The following ANXA8 variants were observed in gnomAD, a reference collection of about 807,000 sequenced individuals.
ANXA8 encodes the protein annexin A8.
ANXA8 carries 9 observed loss-of-function variants against 26.8 expected under a neutral mutation model. The ratio of observed to expected loss-of-function variants is 0.34; its 90% confidence interval spans 0.20 to 0.59. The LOEUF (loss-of-function observed/expected upper bound fraction) is 0.59, where lower values mean the gene tolerates loss of function less well. Ranked by LOEUF, ANXA8 falls within the 20% of genes least tolerant of loss-of-function variation. ANXA8 has a pLI of 0.84. For missense variants in ANXA8, 83 were observed against 238.5 expected (o/e 0.35, Z 4.29); for synonymous variants, 39 against 94.8 (o/e 0.41, Z 3.42).
chr10:47,485,863 C>T (rs1204635785), upstream of ANXA8, among the ~76,000 whole-genome samples: 1 of 151,912 alleles, frequency 6.6e-6, no homozygotes, highest in African/African-American at 2.4e-5. Context: ...AATCCCAGCA[C>T]TTTGGGAGGC....
chr10:47,675,991 A>C, the ANXA8 span, among the ~76,000 whole-genome samples: 4 of 151,608 alleles, frequency 2.6e-5, no homozygotes, highest in Admixed American at 6.6e-5. Flanking sequence ...CAAAAAAAGG[A>C]AAGAAAAGAA....
chr10:47,608,295 C>T, the ANXA8 span, among the ~76,000 whole-genome samples: 1 of 65,332 alleles, frequency 1.5e-5, no homozygotes, highest in Non-Finnish European at 2.8e-5. Flanking sequence ...TTCTTCTTGA[C>T]TTTTCTCCAT....
At chr10:47,955,926 TTC>T in the ANXA8 span, 9 of 112,040 alleles carry the variant, frequency 8.0e-5, no homozygotes, top group Admixed American at 7.3e-4. Context: ...CAAAAATATT[TTC>T]TTTCTTTATA....
At chr10:47,975,777 T>A in the ANXA8 span, among the ~76,000 whole-genome samples, 3 of 148,936 alleles carry the variant, frequency 2.0e-5, no homozygotes, top group Middle Eastern at 6.8e-3. Flanking sequence ...CTGTCCTGGG[T>A]ACAGAGAAGG....
chr10:47,734,487 T>A, the ANXA8 span, among the ~76,000 whole-genome samples: 2 of 148,230 alleles, frequency 1.3e-5, no homozygotes, highest in South Asian at 2.1e-4. Flanking sequence ...CTGCACTTAG[T>A]CTAGCTTATT....
the ANXA8 span, among the ~76,000 whole-genome samples, chr10:47,506,599 G>T: frequency 7.1e-6 from 1 of 141,536 alleles, no homozygotes; most frequent in African/African-American, 2.6e-5. Flanking sequence ...CAAAATGCTG[G>T]GATTACAGGT....
chr10:47,762,822 C>T, the ANXA8 span: 6 of 1,345,438 alleles, frequency 4.5e-6, no homozygotes, highest in South Asian at 1.7e-5. Context: ...CCCAGCGCCC[C>T]GAGGCCGCAG....
At chr10:47,706,007 G>GA in the ANXA8 span, among the ~76,000 whole-genome samples, 1 of 149,588 alleles carries the variant, frequency 6.7e-6, no homozygotes, top group Non-Finnish European at 1.5e-5. Context: ...GTGTTGTGGG[G>GA]GGGGAGGGGC....
the ANXA8 span, among the ~76,000 whole-genome samples, chr10:47,735,789 A>G: frequency 6.6e-6 from 1 of 151,348 alleles, no homozygotes; most frequent in Admixed American, 6.6e-5. Context: ...CTACAGGCAT[A>G]TGCCTCCATA....
the ANXA8 span, among the ~76,000 whole-genome samples, chr10:47,762,210 G>A: frequency 1.3e-5 from 2 of 151,916 alleles, no homozygotes; most frequent in African/African-American, 4.8e-5. Context: ...GGTGCGACGC[G>A]GTGGACGAGG....
rs1839190449 is a variant in ANXA8 at position 47,468,771 on chromosome 10, T to A, written c.*76A>T. 6.3e-7 allele frequency: 1 copy of A among 1,580,584 alleles called. No individual in the cohort carries two copies. The highest frequency in any genetic ancestry group is 1.4e-5 in the African/African-American group (1 of 72,426). ...GCTGGGACCCCCCTCACACCCAACCTGCGTCCATGGCCGAGGTTGAGTGAG... is the reference window on the plus strand; with the variant it reads ...GCTGGGACCCCCCTCACACCCAACCAGCGTCCATGGCCGAGGTTGAGTGAG... On this transcript the variant is annotated 3_prime_UTR_variant, in exon 12 of 12. Transcript: ENST00000585281.
At chr10:47,572,789 C>A in the ANXA8 span, among the ~76,000 whole-genome samples, 1 of 149,656 alleles carries the variant, frequency 6.7e-6, no homozygotes, top group Non-Finnish European at 1.5e-5. Flanking sequence ...CTGTGCATCC[C>A]AATACATTAG....
the ANXA8 span, among the ~76,000 whole-genome samples, chr10:47,686,277 G>A: frequency 2.0e-5 from 3 of 148,710 alleles, no homozygotes; most frequent in Non-Finnish European, 4.4e-5. Context: ...GGAGTGCAGT[G>A]GTGTGATCTC....
the ANXA8 span, among the ~76,000 whole-genome samples, chr10:47,676,044 T>C: frequency 5.3e-5 from 8 of 151,582 alleles, no homozygotes; most frequent in African/African-American, 9.8e-5. Flanking sequence ...AAGAAAAATA[T>C]ACTAGCAGAA....
the ANXA8 span, among the ~76,000 whole-genome samples, chr10:47,982,379 A>G: frequency 2.0e-5 from 3 of 151,472 alleles, no homozygotes. Context: ...GCCCAATACT[A>G]GAAATGTAAT....
At chr10:47,649,934 C>A in the ANXA8 span, among the ~76,000 whole-genome samples, 1 of 150,820 alleles carries the variant, frequency 6.6e-6, no homozygotes, top group South Asian at 2.1e-4. Flanking sequence ...TGGGGCCAGG[C>A]ACAGTGCTCA....
chr10:47,729,820 T>G, the ANXA8 span, among the ~76,000 whole-genome samples: 1,477 of 136,518 alleles, frequency 0.011, 6 homozygotes, highest in Middle Eastern at 0.041. Context: ...CTTACCTGTT[T>G]ATTTATTTAG....
chr10:47,667,229 A>G, the ANXA8 span, among the ~76,000 whole-genome samples: 1 of 151,974 alleles, frequency 6.6e-6, no homozygotes, highest in Non-Finnish European at 1.5e-5. Flanking sequence ...TTTTCTGAAA[A>G]CACTTTATTT....
chr10:47,499,129 T>G, the ANXA8 span, among the ~76,000 whole-genome samples: 93 of 133,514 alleles, frequency 7.0e-4, 1 homozygote, highest in East Asian at 4.0e-3. Flanking sequence ...AAATAATTTT[T>G]TTAAAAAGAT....
Sources: allele counts gnomAD v4.1 joint callset (sites outside exome capture counted in the v4.1 genomes callset), GRCh38; gene constraint gnomAD v4.1.1; transcripts MANE v1.5; gene names NCBI Gene and HGNC (gene_info 2026-07-23, HGNC 2026-07-21).